Variants in LY96 observed in about 807,000 individuals in gnomAD.
LY96 encodes the protein lymphocyte antigen 96.
Under a neutral mutation model 18.9 loss-of-function variants are expected in LY96, and 18 were observed. The observed-to-expected ratio is 0.95, with a 90% CI of 0.66 to 1.41. The LOEUF (loss-of-function observed/expected upper bound fraction) is 1.41. Among genes scored for constraint, LY96 ranks in the 40% most tolerant of loss-of-function variants. LY96 has a pLI of 0.00. For synonymous variants in LY96, 66 were observed against 62.6 expected (o/e 1.06, Z -0.26); for missense variants, 175 against 182.4 (o/e 0.96, Z 0.23).
chr8:74,081,010 C>CTTTA, the LY96 span, among the ~76,000 whole-genome samples: 1 of 130,044 alleles, frequency 7.7e-6, no homozygotes, highest in African/African-American at 3.7e-5. Flanking sequence ...TTCTTTCTTT[C>CTTTA]TTTCTTTCTT....
At chr8:74,069,557 A>G in the LY96 span, among the ~76,000 whole-genome samples, 2 of 152,110 alleles carry the variant, frequency 1.3e-5, no homozygotes, top group African/African-American at 4.8e-5. Flanking sequence ...TTTAAACTTC[A>G]TTAATCAGCA....
chr8:74,065,822 A>G, the LY96 span, among the ~76,000 whole-genome samples: 1 of 152,232 alleles, frequency 6.6e-6, no homozygotes, highest in African/African-American at 2.4e-5. Context: ...ATTTAAATTA[A>G]GAGGGAACAT....
the LY96 span, among the ~76,000 whole-genome samples, chr8:74,083,694 T>A: frequency 6.6e-6 from 1 of 152,138 alleles, no homozygotes; most frequent in Non-Finnish European, 1.5e-5. Context: ...CTTAAATCTT[T>A]TCTTTCTTTT....
chr8:74,093,263 G>T, the LY96 span, among the ~76,000 whole-genome samples: 1 of 152,126 alleles, frequency 6.6e-6, no homozygotes, highest in Admixed American at 6.5e-5. Context: ...TTCTACTGTT[G>T]CACTGTTCAT....
the LY96 span, among the ~76,000 whole-genome samples, chr8:74,034,922 C>A: frequency 6.6e-6 from 1 of 152,078 alleles, no homozygotes; most frequent in African/African-American, 2.4e-5. Context: ...AGGGACTTTG[C>A]CTACTGAGCT....
chr8:74,002,657 C>T (rs111747962), intron 1 of LY96, among the ~76,000 whole-genome samples: 3,334 of 151,486 alleles, frequency 0.022, 52 homozygotes, highest in Middle Eastern at 0.075. Flanking sequence ...CTGCAACCTC[C>T]GCCTCCTGGA....
the LY96 span, among the ~76,000 whole-genome samples, chr8:74,090,519 T>C: frequency 6.6e-6 from 1 of 152,242 alleles, no homozygotes; most frequent in Non-Finnish European, 1.5e-5. Flanking sequence ...TCACTTTGCT[T>C]CTATTAAATC....
chr8:74,007,181 A>G (rs912798007), intron 2 of LY96, among the ~76,000 whole-genome samples: 8 of 152,200 alleles, frequency 5.3e-5, no homozygotes, highest in African/African-American at 1.9e-4. Context: ...GGGTCCTTGC[A>G]GTGCTGGATC....
the LY96 span, among the ~76,000 whole-genome samples, chr8:74,034,753 T>C: frequency 6.6e-6 from 1 of 152,206 alleles, no homozygotes; most frequent in Admixed American, 6.5e-5. Context: ...GCCCCGCTGC[T>C]AAGACTATAC....
At chr8:74,065,742 C>T in the LY96 span, among the ~76,000 whole-genome samples, 1 of 152,274 alleles carries the variant, frequency 6.6e-6, no homozygotes, top group Non-Finnish European at 1.5e-5. Flanking sequence ...TCACTTAACC[C>T]AGTTAGCATT....
chr8:74,050,035 T>C, the LY96 span, among the ~76,000 whole-genome samples: 1 of 151,804 alleles, frequency 6.6e-6, no homozygotes. Flanking sequence ...AATAAATAAA[T>C]AAATACATGC....
intron 1 of LY96, among the ~76,000 whole-genome samples, chr8:73,992,126 A>G (rs567273025): frequency 3.3e-5 from 5 of 152,308 alleles, no homozygotes; most frequent in African/African-American, 9.6e-5. Flanking sequence ...GTTTTTTAGC[A>G]TAGGGTCACA....
At chr8:74,011,560 A>AT (rs1423834715) in intron 3 of LY96, among the ~76,000 whole-genome samples, 2 of 152,190 alleles carry the variant, frequency 1.3e-5, no homozygotes, top group African/African-American at 4.8e-5. Context: ...AAATAACCCC[A>AT]TTAAAAAGTG....
chr8:74,032,108 G>A (rs1482703404), downstream of LY96, among the ~76,000 whole-genome samples: 1 of 152,150 alleles, frequency 6.6e-6, no homozygotes, highest in Non-Finnish European at 1.5e-5. Context: ...GTGGGTGGCA[G>A]AGCAAGATCC....
the LY96 span, among the ~76,000 whole-genome samples, chr8:74,070,356 G>C: frequency 1.3e-5 from 2 of 152,132 alleles, no homozygotes; most frequent in African/African-American, 4.8e-5. Context: ...CTCCCGAAGT[G>C]CTAGGATTAC....
At chr8:74,045,211 T>C in the LY96 span, among the ~76,000 whole-genome samples, 46,910 of 152,186 alleles carry the variant, frequency 0.31, 9,343 homozygotes, top group African/African-American at 0.57. Flanking sequence ...CTTGTCAGTC[T>C]GGGCATTAGA....
the LY96 span, chr8:74,056,303 C>T: frequency 6.8e-6 from 2 of 294,080 alleles, no homozygotes; most frequent in Non-Finnish European, 1.3e-5. Flanking sequence ...AGCCAGCAAT[C>T]GGTTTGCATT....
chr8:73,996,718 C>T (rs1816155170), intron 1 of LY96, among the ~76,000 whole-genome samples: 2 of 151,438 alleles, frequency 1.3e-5, no homozygotes, highest in South Asian at 4.2e-4. Flanking sequence ...TGCGCCTGGT[C>T]CCGGCTAATT....
chr8:74,068,546 C>A, the LY96 span, among the ~76,000 whole-genome samples: 1 of 152,096 alleles, frequency 6.6e-6, no homozygotes, highest in African/African-American at 2.4e-5. Flanking sequence ...AAAAAGATTT[C>A]CAAATTAGTT....
Sources: gnomAD v4.1 joint callset for allele counts (sites outside exome capture counted in the v4.1 genomes callset) on GRCh38, gnomAD v4.1.1 for gene constraint, MANE v1.5 for transcripts, NCBI Gene and HGNC (gene_info 2026-07-23, HGNC 2026-07-21) for gene names.